The following SYT1 variants were observed in gnomAD, a reference collection of about 807,000 sequenced individuals.
The protein encoded by SYT1 is synaptotagmin-1.
SYT1 carries 8 observed loss-of-function variants against 44.8 expected under a neutral mutation model. That is an observed-to-expected ratio of 0.18 (90% CI 0.10 to 0.32). SYT1 has a LOEUF of 0.32. Ranked by LOEUF, SYT1 falls within the 10% of genes least tolerant of loss-of-function variation. SYT1 has a pLI of 1.00. For missense variants in SYT1, 286 were observed against 509.3 expected (o/e 0.56, Z 4.22); for synonymous variants, 154 against 188.8 (o/e 0.82, Z 1.51).
Position 79,073,115 on chromosome 12 carries a change from T to A in SYT1, c.-18+25753T>A, listed in dbSNP as rs546976559. ...GTTAGAACATAATTATTCTTTTTTT[T>A]AAAAAAAGACAAGGTCTCACTCTGT... On this transcript the variant is annotated intron_variant, in intron 3 of 10. Coordinates refer to ENST00000261205, the MANE Select transcript of SYT1 (RefSeq NM_005639.3). 4.8e-4 allele frequency among the ~76,000 whole-genome samples: 73 copies of A among 152,084 alleles called. 2 individuals carry two copies. The South Asian group carries it at 9.8e-3, about 20-fold the overall frequency.
At chr12:79,301,669 C>A (rs1038346959) in intron 8 of SYT1, among the ~76,000 whole-genome samples, 7 of 152,084 alleles carry the variant, frequency 4.6e-5, no homozygotes, top group African/African-American at 1.7e-4. Context: ...TTTGTGTGTT[C>A]ATCTCCTCAT....
intron 3 of SYT1, among the ~76,000 whole-genome samples, chr12:79,202,417 A>C (rs762659923): frequency 1.3e-5 from 2 of 152,202 alleles, no homozygotes; most frequent in Non-Finnish European, 2.9e-5. Context: ...GTCAAGACGA[A>C]GGAAAGATGT....
chr12:79,057,275 GT>G (rs1875025690), intron 3 of SYT1, among the ~76,000 whole-genome samples: 1 of 151,882 alleles, frequency 6.6e-6, no homozygotes, highest in African/African-American at 2.4e-5. Context: ...TCCTGTGATT[GT>G]TTTTGTTTTC....
intron 3 of SYT1, among the ~76,000 whole-genome samples, chr12:79,072,273 G>A (rs936510747): frequency 3.9e-5 from 6 of 152,018 alleles, no homozygotes; most frequent in Admixed American, 2.0e-4. Context: ...TCTCTCTTTC[G>A]TAGTTTGTTC....
At chr12:79,027,157 C>T (rs1453650018) in intron 2 of SYT1, among the ~76,000 whole-genome samples, 1 of 151,602 alleles carries the variant, frequency 6.6e-6, no homozygotes, top group East Asian at 1.9e-4. Context: ...TCCACCTTCT[C>T]TCCAGGAAGT....
At chr12:79,240,946 G>A (rs1046235915) in intron 4 of SYT1, among the ~76,000 whole-genome samples, 3 of 152,190 alleles carry the variant, frequency 2.0e-5, no homozygotes. Context: ...GCCACAGCAG[G>A]AGGATAGCTT....
At chr12:79,048,801 C>T (rs769988244) in intron 3 of SYT1, among the ~76,000 whole-genome samples, 2 of 151,774 alleles carry the variant, frequency 1.3e-5, no homozygotes. Flanking sequence ...TGCAAATCTG[C>T]GTGAGTTACA....
chr12:79,365,857 C>T, intron 9 of SYT1, among the ~76,000 whole-genome samples: 1 of 93,350 alleles, frequency 1.1e-5, no homozygotes, highest in African/African-American at 7.0e-5. Flanking sequence ...AAAAGCAGGT[C>T]ATTAGCTTGT....
At chr12:78,980,157 G>C (rs1374834905) in intron 2 of SYT1, among the ~76,000 whole-genome samples, 1 of 151,994 alleles carries the variant, frequency 6.6e-6, no homozygotes, top group African/African-American at 2.4e-5. Context: ...AAACTCTAAA[G>C]TAAGTATACA....
At chr12:79,073,313 A>G (rs570354416) in intron 3 of SYT1, among the ~76,000 whole-genome samples, 2 of 152,104 alleles carry the variant, frequency 1.3e-5, no homozygotes, top group African/African-American at 4.8e-5. Context: ...CTGAAGTTCA[A>G]ATTTAACTGG....
At chr12:79,398,798 T>C (rs1884966078) in intron 9 of SYT1, among the ~76,000 whole-genome samples, 1 of 152,204 alleles carries the variant, frequency 6.6e-6, no homozygotes, top group South Asian at 2.1e-4. Context: ...AAAATGGACA[T>C]GTTTTTTAAA....
chr12:79,423,798 A>AC (rs1869265394), intron 9 of SYT1, among the ~76,000 whole-genome samples: 3 of 151,830 alleles, frequency 2.0e-5, no homozygotes, highest in African/African-American at 4.8e-5. Context: ...AATATGCCGA[A>AC]CACCTATACA....
intron 8 of SYT1, among the ~76,000 whole-genome samples, chr12:79,309,489 CTTA>C (rs1370595281): frequency 6.6e-6 from 1 of 151,742 alleles, no homozygotes; most frequent in Non-Finnish European, 1.5e-5. Flanking sequence ...GGGTGGAAAA[CTTA>C]TTAGAAATCT....
chr12:79,373,551 A>G (rs902430874), intron 9 of SYT1, among the ~76,000 whole-genome samples: 13 of 152,200 alleles, frequency 8.5e-5, no homozygotes, highest in African/African-American at 3.1e-4. Flanking sequence ...ATTCACAAGC[A>G]TAATATTAGA....
rs28615896 is a variant in SYT1 at position 79,159,126 on chromosome 12, C to T, written c.-17-58377C>T. Among the ~76,000 whole-genome samples, 1,343 of 152,144 alleles carry T rather than the reference C, an allele frequency of 8.8e-3. 23 individuals carry two copies. The highest frequency in any genetic ancestry group is 0.031 in the African/African-American group (1,281 of 41,512). On this transcript the variant is annotated intron_variant, in intron 3 of 10. Coordinates refer to ENST00000261205, the MANE Select transcript of SYT1 (RefSeq NM_005639.3). ...CTTTGCTGAAGAGTTTGCACTTTAT[C>T]CTGCAAACAATAGAGAGACAGCAAA...
At chr12:78,997,396 C>G (rs73351450) in intron 2 of SYT1, among the ~76,000 whole-genome samples, 1,762 of 152,238 alleles carry the variant, frequency 0.012, 35 homozygotes, top group African/African-American at 0.038. Context: ...ATGTTATTCC[C>G]AATGCCTTGG....
At chr12:79,139,353 T>G (rs151043872) in intron 3 of SYT1, among the ~76,000 whole-genome samples, 39 of 152,304 alleles carry the variant, frequency 2.6e-4, no homozygotes, top group Non-Finnish European at 4.7e-4. Flanking sequence ...AGGCTATAGA[T>G]GAGCACTGTC....
chr12:78,901,002 C>T (rs976354639), intron 1 of SYT1, among the ~76,000 whole-genome samples: 1 of 151,996 alleles, frequency 6.6e-6, no homozygotes, highest in Non-Finnish European at 1.5e-5. Context: ...TTTCAAAATT[C>T]AATTGAACAA....
chr12:79,103,406 AT>A, intron 3 of SYT1, among the ~76,000 whole-genome samples: 1 of 152,058 alleles, frequency 6.6e-6, no homozygotes, highest in East Asian at 1.9e-4. Flanking sequence ...CCTAAAAGAT[AT>A]TTTTTTCATT....
Sources: gnomAD v4.1 joint callset for allele counts (sites outside exome capture counted in the v4.1 genomes callset) on GRCh38, gnomAD v4.1.1 for gene constraint, MANE v1.5 for transcripts, NCBI Gene and HGNC (gene_info 2026-07-23, HGNC 2026-07-21) for gene names.